CSMD1: variants seen among roughly 807,000 people sequenced by gnomAD.
CSMD1 encodes CUB and Sushi multiple domains 1.
In CSMD1, 213 loss-of-function variants were observed where a neutral mutation model predicts 417.5. The ratio of observed to expected loss-of-function variants is 0.51; its 90% confidence interval spans 0.46 to 0.57. CSMD1 has a LOEUF of 0.57. CSMD1 is among the 20% of genes least tolerant of loss of function. The probability of loss-of-function intolerance (pLI) is 0.00; values close to 1 mark genes in which losing one functional copy is unlikely to be tolerated. For synonymous variants in CSMD1, 2,862 were observed against 1,736.8 expected (o/e 1.65, Z -16.11); for missense variants, 6,923 against 4,529.7 (o/e 1.53, Z -15.17).
chr8:4,110,307 AT>A (rs1248355026), intron 3 of CSMD1, among the ~76,000 whole-genome samples: 1 of 152,098 alleles, frequency 6.6e-6, no homozygotes, highest in East Asian at 1.9e-4. Flanking sequence ...TTTATCCACC[AT>A]TTCCCAGGAA....
At chr8:4,295,587 G>A (rs1403129390) in intron 3 of CSMD1, among the ~76,000 whole-genome samples, 2 of 140,728 alleles carry the variant, frequency 1.4e-5, no homozygotes, top group African/African-American at 5.2e-5. Flanking sequence ...GGCTTATTAA[G>A]GGCTTAAGAT....
chr8:4,701,076 T>G (rs922491117), intron 1 of CSMD1, among the ~76,000 whole-genome samples: 1 of 152,114 alleles, frequency 6.6e-6, no homozygotes, highest in Admixed American at 6.5e-5. Flanking sequence ...ATGAGTTTTA[T>G]TGAAATTAAG....
chr8:3,790,414 G>A (rs572165068), intron 5 of CSMD1, among the ~76,000 whole-genome samples: 1 of 152,190 alleles, frequency 6.6e-6, no homozygotes, highest in South Asian at 2.1e-4. Context: ...TAATGACAAT[G>A]GTGATAACAG....
intron 5 of CSMD1, among the ~76,000 whole-genome samples, chr8:3,898,948 T>C (rs924826540): frequency 1.3e-5 from 2 of 152,048 alleles, no homozygotes; most frequent in African/African-American, 4.8e-5. Context: ...AAAAATTTTA[T>C]GGGAAAAATA....
chr8:4,083,972 A>G (rs1045009801), intron 3 of CSMD1, among the ~76,000 whole-genome samples: 1 of 152,208 alleles, frequency 6.6e-6, no homozygotes, highest in Admixed American at 6.5e-5. Flanking sequence ...TCCAGAATCT[A>G]CAATGAACTC....
intron 3 of CSMD1, among the ~76,000 whole-genome samples, chr8:4,185,531 A>G (rs1044929822): frequency 6.6e-6 from 1 of 152,196 alleles, no homozygotes; most frequent in Non-Finnish European, 1.5e-5. Flanking sequence ...AGTGGGCATA[A>G]AGAGAAACAT....
intron 21 of CSMD1, among the ~76,000 whole-genome samples, chr8:3,351,841 T>C (rs902340252): frequency 3.3e-5 from 5 of 151,308 alleles, no homozygotes; most frequent in African/African-American, 4.8e-5. Context: ...TTAGTACCTA[T>C]ATTTTTCAAA....
intron 10 of CSMD1, among the ~76,000 whole-genome samples, chr8:3,528,758 A>G (rs1203494517): frequency 1.3e-5 from 2 of 152,208 alleles, no homozygotes; most frequent in Non-Finnish European, 2.9e-5. Context: ...TGAGACTATT[A>G]ATTTCCTGCA....
intron 3 of CSMD1, among the ~76,000 whole-genome samples, chr8:4,142,255 G>C (rs193023520): frequency 4.0e-5 from 6 of 150,988 alleles, no homozygotes; most frequent in Middle Eastern, 3.4e-3. Context: ...AATACAACAG[G>C]GTTTTCCTTC....
intron 37 of CSMD1, among the ~76,000 whole-genome samples, chr8:3,170,894 A>C (rs1820543363): frequency 6.6e-6 from 1 of 152,220 alleles, no homozygotes; most frequent in South Asian, 2.1e-4. Flanking sequence ...ACGAGTCAAC[A>C]CACTTGGGTG....
intron 2 of CSMD1, among the ~76,000 whole-genome samples, chr8:4,496,282 G>A (rs1054140311): frequency 1.1e-4 from 17 of 152,182 alleles, no homozygotes; most frequent in African/African-American, 4.1e-4. Context: ...CTGGGATAAG[G>A]TGGATTGAAG....
Position 4,583,003 on chromosome 8 carries a change from C to A in CSMD1, c.302+54339G>T, listed in dbSNP as rs182578301. Among the ~76,000 whole-genome samples, 343 of 152,292 alleles carry A rather than the reference C, an allele frequency of 2.3e-3. 2 individuals carry two copies. Among genetic ancestry groups the A allele is most frequent in the African/African-American group, 8.1e-3 (336 of 41,566 alleles). On this transcript the variant is annotated intron_variant, in intron 2 of 69. Transcript: ENST00000635120. ...GGCTGCGGACGGTGTACTGAATCCC[C>A]CAGCAGTGCCAGCCCACCGGCGCTG...
chr8:4,431,051 G>C (rs1174780134), intron 2 of CSMD1, among the ~76,000 whole-genome samples: 2 of 152,032 alleles, frequency 1.3e-5, no homozygotes, highest in African/African-American at 4.8e-5. Flanking sequence ...ATAACTCGTG[G>C]AGTGTCCATT....
intron 3 of CSMD1, among the ~76,000 whole-genome samples, chr8:4,077,512 T>C (rs1799897405): frequency 6.6e-6 from 1 of 151,958 alleles, no homozygotes. Context: ...TTGTTTAACT[T>C]TTTTACCATC....
chr8:4,665,652 T>A (rs1351278302), intron 1 of CSMD1, among the ~76,000 whole-genome samples: 1 of 152,188 alleles, frequency 6.6e-6, no homozygotes, highest in Non-Finnish European at 1.5e-5. Context: ...CACGTTAGCA[T>A]AACGCATTCA....
At chr8:4,304,240 G>T (rs370394399) in intron 3 of CSMD1, among the ~76,000 whole-genome samples, 1 of 152,154 alleles carries the variant, frequency 6.6e-6, no homozygotes, top group African/African-American at 2.4e-5. Flanking sequence ...TAAATGTGAA[G>T]GGCTTTGCAG....
chr8:4,978,709 G>C (rs905951815), intron 1 of CSMD1, among the ~76,000 whole-genome samples: 2 of 152,128 alleles, frequency 1.3e-5, no homozygotes, highest in Non-Finnish European at 2.9e-5. Context: ...AGGCCAAGGG[G>C]AATGGATTAC....
intron 7 of CSMD1, among the ~76,000 whole-genome samples, chr8:3,677,756 G>A (rs74705747): frequency 6.6e-6 from 1 of 152,036 alleles, no homozygotes; most frequent in Non-Finnish European, 1.5e-5. Flanking sequence ...TTTGTAAAAC[G>A]GAAATGAAAA....
intron 2 of CSMD1, among the ~76,000 whole-genome samples, chr8:4,426,617 G>C (rs59553831): frequency 0.31 from 29,008 of 94,396 alleles, 3,213 homozygotes; most frequent in African/African-American, 0.42. Context: ...AAATTATATT[G>C]TTTACTATAT....
Sources: allele counts gnomAD v4.1 joint callset (sites outside exome capture counted in the v4.1 genomes callset), GRCh38; gene constraint gnomAD v4.1.1; transcripts MANE v1.5; gene names NCBI Gene and HGNC (gene_info 2026-07-23, HGNC 2026-07-21).